NUP93: variants seen among roughly 807,000 people sequenced by gnomAD.
The protein encoded by NUP93 is nuclear pore complex protein Nup93.
In NUP93, 55 loss-of-function variants were observed where a neutral mutation model predicts 107.8. The observed-to-expected ratio is 0.51, with a 90% CI of 0.41 to 0.64. The LOEUF is 0.64. NUP93 is among the 30% of genes least tolerant of loss of function. The pLI is 0.00. For missense variants in NUP93, 937 were observed against 1,044.7 expected (o/e 0.90, Z 1.42); for synonymous variants, 390 against 397.5 (o/e 0.98, Z 0.22).
intron 9 of NUP93, among the ~76,000 whole-genome samples, chr16:56,829,420 G>A (rs1963735139): frequency 6.6e-6 from 1 of 152,186 alleles, no homozygotes; most frequent in Non-Finnish European, 1.5e-5. Context: ...AGTCAGGGAT[G>A]ACTTCTGAGA....
At chr16:56,803,915 C>T (rs974831078) in intron 4 of NUP93, among the ~76,000 whole-genome samples, 4 of 152,108 alleles carry the variant, frequency 2.6e-5, no homozygotes, top group Non-Finnish European at 5.9e-5. Context: ...CCACACCCAG[C>T]TGATTTTTGT....
Position 56,765,441 on chromosome 16 carries a change from A to G in NUP93, c.297+6786A>G, listed in dbSNP as rs145053784. ...GCCCATCCTGGACTTAAAACAACCT[A>G]TAGTTAATGCTCCTGGGCTCAGTAG... is the stretch of plus-strand genomic sequence containing the variant. On this transcript the variant is annotated intron_variant, in intron 3 of 21. Coordinates refer to ENST00000308159, the MANE Select transcript of NUP93 (RefSeq NM_014669.5). Among the ~76,000 whole-genome samples, 549 of 152,296 alleles carry G rather than the reference A, an allele frequency of 3.6e-3. 2 individuals carry two copies. Among genetic ancestry groups the G allele is most frequent in the African/African-American group, 9.8e-3 (406 of 41,568 alleles).
chr16:56,803,522 G>C (rs187405939), intron 4 of NUP93, among the ~76,000 whole-genome samples: 1 of 151,856 alleles, frequency 6.6e-6, no homozygotes, highest in Non-Finnish European at 1.5e-5. Context: ...TTATTATATC[G>C]TAAGATACTA....
Position 56,770,565 on chromosome 16 carries a change from T to C in NUP93, c.297+11910T>C, listed in dbSNP as rs552832274. 9.9e-5 allele frequency among the ~76,000 whole-genome samples: 15 copies of C among 152,140 alleles called. 1 individual carries two copies. The South Asian group carries it at 2.7e-3, about 27-fold the overall frequency. On this transcript the variant is annotated intron_variant, in intron 3 of 21. Transcript: ENST00000308159. ...AATAAGATGGACTTACTTCAGAAAA[T>C]TTGGAAAATGGCTCCATAGTCACTT...
At chr16:56,738,209 A>C (rs1292570030) in intron 1 of NUP93, among the ~76,000 whole-genome samples, 1 of 152,246 alleles carries the variant, frequency 6.6e-6, no homozygotes, top group Admixed American at 6.5e-5. Flanking sequence ...ATCCAGCCCC[A>C]GGGTCAGAGG....
intron 1 of NUP93, among the ~76,000 whole-genome samples, chr16:56,736,099 G>A (rs1268570090): frequency 2.0e-5 from 3 of 152,202 alleles, no homozygotes; most frequent in Non-Finnish European, 4.4e-5. Flanking sequence ...GGAGGCTGAG[G>A]CAGGCAGATC....
intron 3 of NUP93, among the ~76,000 whole-genome samples, chr16:56,780,338 C>T (rs1962490666): frequency 6.6e-6 from 1 of 152,178 alleles, no homozygotes; most frequent in African/African-American, 2.4e-5. Context: ...ACACATGCAC[C>T]TCCAAATTAT....
At position 56,821,561 on chromosome 16, in the gene NUP93, C is replaced by A. The variant is rs146924670; in HGVS notation, c.622C>A (p.Leu208Ile). The stretch of plus-strand genomic sequence containing the variant: ...ACACCTGCAGCCTAACCTGGTGGAC[C>A]TTTGTGCTTCCGTCGCAGAGCTCGA... ...NGHLQPNLVD[L>I]CASVAELDDK... The change falls in exon 7 of 22, where the codon CTT (leucine) becomes ATT (isoleucine). Residue 208 changes from leucine to isoleucine, a missense_variant. By Grantham distance (5) the Leu-to-Ile change is conservative. Coordinates refer to ENST00000308159, the MANE Select transcript of NUP93 (RefSeq NM_014669.5). 1.9e-6 allele frequency: 3 copies of A among 1,613,204 alleles called. No individual in the cohort carries two copies. Among genetic ancestry groups the A allele is most frequent in the Non-Finnish European group, 2.5e-6 (3 of 1,179,364 alleles).
At chr16:56,825,113 G>C (rs559124685) in intron 8 of NUP93, among the ~76,000 whole-genome samples, 1 of 151,034 alleles carries the variant, frequency 6.6e-6, no homozygotes, top group South Asian at 2.1e-4. Context: ...CTGGAGTGCA[G>C]TGGCATAATC....
intron 2 of NUP93, among the ~76,000 whole-genome samples, chr16:56,754,208 T>G (rs1176533597): frequency 1.3e-5 from 2 of 151,112 alleles, no homozygotes; most frequent in African/African-American, 4.9e-5. Context: ...AAAGGGGAAG[T>G]CTTGCCCCTA....
chr16:56,778,164 C>A (rs528213045), intron 3 of NUP93, among the ~76,000 whole-genome samples: 2 of 152,098 alleles, frequency 1.3e-5, no homozygotes, highest in Non-Finnish European at 2.9e-5. Flanking sequence ...GGCGTGGAAG[C>A]GGTTAATAAC....
intron 21 of NUP93, among the ~76,000 whole-genome samples, chr16:56,842,910 G>T (rs1447738584): frequency 3.3e-5 from 5 of 152,102 alleles, no homozygotes; most frequent in Non-Finnish European, 7.3e-5. Context: ...AATTTTTGAT[G>T]AGACTCTCAG....
intron 8 of NUP93, among the ~76,000 whole-genome samples, chr16:56,826,121 A>G (rs1176929484): frequency 1.3e-5 from 2 of 152,222 alleles, no homozygotes; most frequent in African/African-American, 4.8e-5. Context: ...TTGTCAGCAC[A>G]TGAACTGTCT....
intron 3 of NUP93, among the ~76,000 whole-genome samples, chr16:56,768,770 G>C (rs1216969294): frequency 6.6e-6 from 1 of 151,282 alleles, no homozygotes; most frequent in African/African-American, 2.4e-5. Context: ...GGGAGGCTGA[G>C]GCAGGAGAAT....
Position 56,765,463 on chromosome 16 carries a change from G to T in NUP93, c.297+6808G>T, listed in dbSNP as rs558678521. Among the ~76,000 whole-genome samples the T allele has an allele frequency of 2.0e-5, 3 of 152,322 alleles. No individual in the cohort carries two copies. In the South Asian group the frequency reaches 6.2e-4, roughly 32 times the overall value. ...CCTATAGTTAATGCTCCTGGGCTCA[G>T]TAGGAGTGATGAATCTGATTATCAC... On this transcript the variant is annotated intron_variant, in intron 3 of 21. Coordinates refer to ENST00000308159, the MANE Select transcript of NUP93 (RefSeq NM_014669.5).
intron 2 of NUP93, among the ~76,000 whole-genome samples, chr16:56,749,662 A>G (rs534641750): frequency 3.3e-5 from 5 of 152,116 alleles, no homozygotes; most frequent in Non-Finnish European, 7.3e-5. Context: ...ATTATGTAGG[A>G]GTGGGCTACA....
At chr16:56,801,998 T>C (rs968343073) in intron 4 of NUP93, among the ~76,000 whole-genome samples, 24 of 152,172 alleles carry the variant, frequency 1.6e-4, no homozygotes, top group African/African-American at 5.6e-4. Context: ...TTAATTGCCT[T>C]TGCTACTCTG....
intron 1 of NUP93, among the ~76,000 whole-genome samples, chr16:56,734,146 G>A (rs1165226336): frequency 6.6e-6 from 1 of 152,254 alleles, no homozygotes; most frequent in African/African-American, 2.4e-5. Context: ...GCCAGAAATT[G>A]ATAACATACT....
At chr16:56,825,334 C>T (rs1963637522) in intron 8 of NUP93, among the ~76,000 whole-genome samples, 1 of 151,274 alleles carries the variant, frequency 6.6e-6, no homozygotes, top group Admixed American at 6.6e-5. Flanking sequence ...GCCTCAGCCT[C>T]CTGAATAGCA....
Sources: allele counts gnomAD v4.1 joint callset (sites outside exome capture counted in the v4.1 genomes callset), GRCh38; gene constraint gnomAD v4.1.1; transcripts MANE v1.5; gene names NCBI Gene and HGNC (gene_info 2026-07-23, HGNC 2026-07-21).